Variants in GNA11 observed in about 807,000 individuals in gnomAD.
GNA11 encodes G protein subunit alpha 11.
Under a neutral mutation model 38.2 loss-of-function variants are expected in GNA11, and 8 were observed. That is an observed-to-expected ratio of 0.21 (90% confidence interval 0.12 to 0.38). The LOEUF (loss-of-function observed/expected upper bound fraction) is 0.38, where lower values mean the gene tolerates loss of function less well. GNA11 is among the 10% of genes least tolerant of loss of function. GNA11 has a pLI of 1.00. For synonymous variants in GNA11, 211 were observed against 221.4 expected (o/e 0.95, Z 0.42); for missense variants, 268 against 516.3 (o/e 0.52, Z 4.66).
At chr19:3,104,772 C>G (rs1913596966) in intron 1 of GNA11, among the ~76,000 whole-genome samples, 1 of 152,208 alleles carries the variant, frequency 6.6e-6, no homozygotes. Context: ...CAGACGGGCA[C>G]TGCCACACCT....
chr19:3,107,521 T>A (rs1423249672), intron 1 of GNA11, among the ~76,000 whole-genome samples: 1 of 152,244 alleles, frequency 6.6e-6, no homozygotes, highest in African/African-American at 2.4e-5. Context: ...TTGCAGTGTG[T>A]GCTGGTCTCG....
At chr19:3,113,766 C>T (rs1342645061) in intron 3 of GNA11, among the ~76,000 whole-genome samples, 1 of 152,198 alleles carries the variant, frequency 6.6e-6, no homozygotes, top group Non-Finnish European at 1.5e-5. Flanking sequence ...TCCTGGCCAC[C>T]CTCGGTGCTG....
At chr19:3,106,503 C>T (rs987746892) in intron 1 of GNA11, among the ~76,000 whole-genome samples, 5 of 152,222 alleles carry the variant, frequency 3.3e-5, no homozygotes, top group African/African-American at 1.2e-4. Flanking sequence ...CCACCAGAGG[C>T]CCGGGGCCAC....
Position 3,121,083 on chromosome 19 carries a change from C to T in GNA11, c.984C>T (p.Phe328=), listed in dbSNP as rs747189004. ...GCGACAAGATCATCTACTCACACTT[C>T]ACGTGTGCCACCGACACGGAGAACA... ...PDSDKIIYSH[F]TCATDTENIR... Residue 328 remains phenylalanine (F), a synonymous_variant, in exon 7 of 7, where the codon TTC becomes TTT. Transcript: ENST00000078429. The T allele has an allele frequency of 1.9e-6, 3 of 1,612,980 alleles. No individual in the cohort carries two copies. Among genetic ancestry groups the T allele is most frequent in the South Asian group, 1.1e-5 (1 of 91,058 alleles).
At position 3,122,812 on chromosome 19, in the gene GNA11, T is replaced by C. The variant is rs1247737697; in HGVS notation, c.*1633T>C. 1 of 233,582 alleles carries C rather than the reference T, an allele frequency of 4.3e-6. No homozygotes were observed. Among genetic ancestry groups the C allele is most frequent in the African/African-American group, 2.2e-5 (1 of 45,344 alleles). 14.5% of individuals were successfully genotyped at this position (233,582 alleles called of 1,614,324 possible). On this transcript the variant is annotated 3_prime_UTR_variant, in exon 7 of 7. Coordinates refer to ENST00000078429, the MANE Select transcript of GNA11 (RefSeq NM_002067.5). The surrounding 1 kb of genome is among the most constrained non-coding windows in gnomAD (Gnocchi z 7.7). The stretch of plus-strand genomic sequence containing the variant: ...CACTGTCAGGCCTGCCCTGGCCTCC[T>C]CGTCCGCAGGGCTGTCTGCTGGCTT...
chr19:3,114,726 A>G (rs1913862496), intron 3 of GNA11, among the ~76,000 whole-genome samples: 1 of 151,716 alleles, frequency 6.6e-6, no homozygotes, highest in Non-Finnish European at 1.5e-5. Context: ...GTCCCCTGAG[A>G]CCCCAGAGAG....
rs1913759812 is a variant in GNA11, at chr19:3,110,887, C to CTTCT, written c.321+555_321+558dup. ...GGTCAAGGCTCATCACAGCCTGGAC[C>CTTCT]TTCTGGGCTCAGGTGATCCCACCAC... On this transcript the variant is annotated intron_variant, in intron 2 of 6. Coordinates refer to ENST00000078429, the MANE Select transcript of GNA11 (RefSeq NM_002067.5). This position sits in a 1 kb window ranked among gnomAD's most constrained non-coding sequence, Gnocchi z 5.4. Among the ~76,000 whole-genome samples, 1 of 152,166 alleles carries CTTCT rather than the reference C, an allele frequency of 6.6e-6. No homozygotes were observed. Among genetic ancestry groups the CTTCT allele is most frequent in the Admixed American group, 6.5e-5 (1 of 15,288 alleles).
intron 1 of GNA11, among the ~76,000 whole-genome samples, chr19:3,101,567 C>CT (rs397710145): frequency 0.043 from 2 of 46 alleles, no homozygotes; most frequent in East Asian, 0.5. Context: ...GGGGCCTGGG[C>CT]TCCGGACTCC....
At chr19:3,100,897 G>A (rs919804195) in intron 1 of GNA11, among the ~76,000 whole-genome samples, 1 of 152,196 alleles carries the variant, frequency 6.6e-6, no homozygotes, top group Admixed American at 6.5e-5. Context: ...CTTGTCCCCT[G>A]TGGCTGCCCT....
intron 2 of GNA11, among the ~76,000 whole-genome samples, chr19:3,111,776 G>C (rs560090564): frequency 5.9e-4 from 90 of 152,312 alleles, no homozygotes; most frequent in African/African-American, 2.1e-3. Flanking sequence ...TATGGGGCAG[G>C]CCCAGCAGCC....
Position 3,101,165 on chromosome 19 carries a change from G to A in GNA11, c.136+6378G>A, listed in dbSNP as rs117837860. On this transcript the variant is annotated intron_variant, in intron 1 of 6. Transcript: ENST00000078429. ...GGGCCCTGCAGGGACGGAGTGGGGT[G>A]GGGGGCTGAAGGGTGTGGTCAAACT... Among the ~76,000 whole-genome samples, 458 of 152,328 alleles carry A rather than the reference G, an allele frequency of 3.0e-3. 15 individuals carry two copies. In the East Asian group the frequency reaches 0.079, roughly 26 times the overall value.
intron 3 of GNA11, among the ~76,000 whole-genome samples, chr19:3,114,614 C>T (rs1233143437): frequency 6.6e-6 from 1 of 152,286 alleles, no homozygotes; most frequent in East Asian, 1.9e-4. Flanking sequence ...CCTGGGTCAC[C>T]GTCTCCCTCC....
chr19:3,116,533 C>T (rs962010123), intron 4 of GNA11, among the ~76,000 whole-genome samples: 31 of 152,244 alleles, frequency 2.0e-4, no homozygotes, highest in Non-Finnish European at 3.7e-4. Flanking sequence ...ATGCAGCGTC[C>T]TCCCCGCCTG....
intron 1 of GNA11, among the ~76,000 whole-genome samples, chr19:3,105,400 TGGGGGGAA>T (rs1199905816): frequency 6.5e-5 from 1 of 15,406 alleles, no homozygotes; most frequent in Non-Finnish European, 1.3e-4. Flanking sequence ...TTTGGGGGGT[TGGGGGGAA>T]GGGGGGGTTG....
chr19:3,105,059 C>T (rs1005368631), intron 1 of GNA11, among the ~76,000 whole-genome samples: 12 of 39,748 alleles, frequency 3.0e-4, no homozygotes, highest in Non-Finnish European at 4.7e-4. Flanking sequence ...ACAGCGGGAC[C>T]GGTGGTGGGT....
intron 4 of GNA11, chr19:3,117,543 G>C (rs570078065): frequency 1.7e-4 from 14 of 81,040 alleles, no homozygotes; most frequent in African/African-American, 4.1e-4. Flanking sequence ...CACCACGCCT[G>C]GCTAATTTTT....
chr19:3,099,538 G>T (rs1230982146), intron 1 of GNA11, among the ~76,000 whole-genome samples: 1 of 152,152 alleles, frequency 6.6e-6, no homozygotes, highest in Non-Finnish European at 1.5e-5. Context: ...GGAGCATCCC[G>T]CCCGGGGGGC....
At position 3,122,952 on chromosome 19, in the gene GNA11, C is replaced by G. The variant is rs557464768; in HGVS notation, c.*1773C>G. 459 of 233,570 alleles carry G rather than the reference C, an allele frequency of 2.0e-3. 1 individual carries two copies. The highest frequency in any genetic ancestry group is 2.4e-3 in the Non-Finnish European group (286 of 118,302). The allele number at this position is 233,570 out of a possible 1,614,324, so 14.5% of individuals were successfully genotyped here. ...GACGGGGCTGGCGGGATACCCCCCC[C>G]CCGGCTTCCCCACACCACTTCTGTC... On this transcript the variant is annotated 3_prime_UTR_variant, in exon 7 of 7. Transcript: ENST00000078429. This position sits in a 1 kb window ranked among gnomAD's most constrained non-coding sequence, Gnocchi z 7.7.
At chr19:3,099,339 G>C (rs993242510) in intron 1 of GNA11, among the ~76,000 whole-genome samples, 13 of 152,212 alleles carry the variant, frequency 8.5e-5, no homozygotes, top group Non-Finnish European at 1.6e-4. Flanking sequence ...GCCTTGTATG[G>C]CTTGCCCACC....
Sources: gnomAD v4.1 joint callset for allele counts (sites outside exome capture counted in the v4.1 genomes callset) on GRCh38, gnomAD v4.1.1 for gene constraint, Gnocchi (gnomAD v3.1) non-coding constraint, MANE v1.5 for transcripts, NCBI Gene and HGNC (gene_info 2026-07-23, HGNC 2026-07-21) for gene names.